PCYT1B: variants seen among roughly 807,000 people sequenced by gnomAD.
PCYT1B encodes choline-phosphate cytidylyltransferase B.
In PCYT1B, 10 loss-of-function variants were observed where a neutral mutation model predicts 26.4. That is an observed-to-expected ratio of 0.38 (90% CI 0.23 to 0.64). The LOEUF (loss-of-function observed/expected upper bound fraction) is 0.64, where lower values mean the gene tolerates loss of function less well. PCYT1B is among the 30% of genes least tolerant of loss of function. The probability of loss-of-function intolerance (pLI) is 0.56; values close to 1 mark genes in which losing one functional copy is unlikely to be tolerated. For synonymous variants in PCYT1B, 131 were observed against 108.4 expected, an observed-to-expected ratio of 1.21 and a Z score of -1.29; for missense variants, 161 against 292.7, an observed-to-expected ratio of 0.55 and a Z score of 3.28.
chrX:24,658,695 T>A (rs746352086), intron 1 of PCYT1B, among the ~76,000 whole-genome samples: 1 of 111,320 alleles, frequency 9.0e-6, no homozygotes, highest in Non-Finnish European at 1.9e-5. Flanking sequence ...TTGAGTTCCT[T>A]TGGATAATCC....
At position 24,575,117 on chromosome X, in the gene PCYT1B, A is replaced by G; in HGVS notation, c.897+13T>C. The G allele has an allele frequency of 8.7e-7, 1 of 1,153,144 alleles. No individual in the cohort carries two copies. Among genetic ancestry groups the G allele is most frequent in the African/African-American group, 1.8e-5 (1 of 55,561 alleles). On this transcript the variant is annotated intron_variant, in intron 7 of 7. Coordinates refer to ENST00000379144, the MANE Select transcript of PCYT1B (RefSeq NM_004845.5). ...CACTCATCATTGTGGGGTAAAGTGA[A>G]ATCATTACATACCCATGCTCCATCA... is the stretch of plus-strand genomic sequence containing the variant.
chrX:24,639,808 C>A (rs1238310142), intron 1 of PCYT1B, among the ~76,000 whole-genome samples: 1 of 110,759 alleles, frequency 9.0e-6, no homozygotes, highest in Non-Finnish European at 1.9e-5. Flanking sequence ...GTCTTTTTTT[C>A]TCCCTGAAGC....
intron 6 of PCYT1B, among the ~76,000 whole-genome samples, chrX:24,578,414 C>T (rs958442015): frequency 1.8e-5 from 2 of 111,301 alleles, no homozygotes; most frequent in African/African-American, 6.5e-5. Flanking sequence ...GTGCAGCAAA[C>T]CACCATGGCA....
At position 24,590,003 on chromosome X, in the gene PCYT1B, T is replaced by C; in HGVS notation, c.486+20A>G. ...CTCCCTAATCTTGCTACTTAGAGAA[T>C]GTGGGAGAATGAGAAGTACCTTGTG... On this transcript the variant is annotated intron_variant, in intron 4 of 7. Transcript: ENST00000379144. 1 of 1,175,816 alleles carries C rather than the reference T, an allele frequency of 8.5e-7. No homozygotes were observed. Among genetic ancestry groups the C allele is most frequent in the Non-Finnish European group, 1.2e-6 (1 of 869,015 alleles).
Position 24,624,260 on chromosome X carries a change from C to T in PCYT1B, c.118-5176G>A, listed in dbSNP as rs144754866. 7.9e-3 allele frequency among the ~76,000 whole-genome samples: 887 copies of T among 111,849 alleles called. 3 individuals carry two copies. The highest frequency in any genetic ancestry group is 0.012 in the Admixed American group (131 of 10,536). On this transcript the variant is annotated intron_variant, in intron 1 of 7. Transcript: ENST00000379144. ...CTGGGATTACAGGCATGAGCCACCG[C>T]GCCCGGCCAAGCTAAGCTATTCTTA...
At chrX:24,576,528 C>T (rs913494881) in intron 6 of PCYT1B, among the ~76,000 whole-genome samples, 3 of 111,318 alleles carry the variant, frequency 2.7e-5, no homozygotes, top group Non-Finnish European at 3.8e-5. Context: ...TGGTCTTGAA[C>T]TCCTGACCTG....
chrX:24,597,575 A>T (rs1000532477), intron 3 of PCYT1B, among the ~76,000 whole-genome samples: 5 of 112,353 alleles, frequency 4.5e-5, no homozygotes, highest in African/African-American at 1.6e-4. Flanking sequence ...AAAGAAAGGC[A>T]CCACCCAAAC....
intron 1 of PCYT1B, among the ~76,000 whole-genome samples, chrX:24,664,939 C>T (rs187772188): frequency 9.0e-6 from 1 of 110,633 alleles, no homozygotes; most frequent in East Asian, 2.8e-4. Flanking sequence ...GCCTGGGTGA[C>T]AGAGCAAGAC....
intron 1 of PCYT1B, among the ~76,000 whole-genome samples, chrX:24,629,189 T>C (rs937074060): frequency 2.7e-5 from 3 of 112,279 alleles, no homozygotes; most frequent in African/African-American, 9.7e-5. Flanking sequence ...CCTATTTTTC[T>C]ATTGTTGAGA....
chrX:24,633,109 C>T (rs1161385538), intron 1 of PCYT1B, among the ~76,000 whole-genome samples: 3 of 102,972 alleles, frequency 2.9e-5, no homozygotes, highest in Non-Finnish European at 3.9e-5. Flanking sequence ...ACTCAGGAGG[C>T]TGAGGCAAGA....
At chrX:24,572,918 T>TTATATA (rs371692891) in intron 7 of PCYT1B, among the ~76,000 whole-genome samples, 1,517 of 96,212 alleles carry the variant, frequency 0.016, 23 homozygotes, top group South Asian at 0.044. Context: ...TTTCATCAAA[T>TTATATA]TATATATATA....
At chrX:24,624,146 T>G (rs1215224640) in intron 1 of PCYT1B, among the ~76,000 whole-genome samples, 1 of 109,660 alleles carries the variant, frequency 9.1e-6, no homozygotes, top group Non-Finnish European at 1.9e-5. Flanking sequence ...ATTTTTTGTA[T>G]TTTTAGTAGA....
intron 2 of PCYT1B, among the ~76,000 whole-genome samples, chrX:24,611,110 G>A (rs1279262052): frequency 9.0e-6 from 1 of 111,402 alleles, no homozygotes; most frequent in African/African-American, 3.3e-5. Context: ...CAGAATTCTA[G>A]GAAGTCTGGG....
intron 5 of PCYT1B, among the ~76,000 whole-genome samples, chrX:24,580,119 G>A (rs1455386305): frequency 1.8e-5 from 2 of 112,460 alleles, no homozygotes; most frequent in Non-Finnish European, 3.8e-5. Flanking sequence ...GCTGCTGTGA[G>A]CAGTGACTGC....
At chrX:24,619,766 C>T (rs1925641530) in intron 1 of PCYT1B, among the ~76,000 whole-genome samples, 1 of 111,907 alleles carries the variant, frequency 8.9e-6, no homozygotes, top group Non-Finnish European at 1.9e-5. Context: ...GTAGCTTCAA[C>T]AGCGACTAGC....
At chrX:24,654,749 C>T (rs866295886) in intron 1 of PCYT1B, among the ~76,000 whole-genome samples, 1 of 40,049 alleles carries the variant, frequency 2.5e-5, no homozygotes, top group Non-Finnish European at 4.0e-5. Flanking sequence ...GACCCTGTCT[C>T]AAAAAAAAAA....
chrX:24,619,568 G>A (rs1443906583), intron 1 of PCYT1B, among the ~76,000 whole-genome samples: 1 of 111,797 alleles, frequency 8.9e-6, no homozygotes, highest in African/African-American at 3.3e-5. Context: ...CCACACCCAG[G>A]AGACTTGGCT....
At chrX:24,653,526 G>C (rs1205491638) in intron 1 of PCYT1B, among the ~76,000 whole-genome samples, 1 of 111,705 alleles carries the variant, frequency 9.0e-6, no homozygotes, top group Non-Finnish European at 1.9e-5. Context: ...TGAACTGCAT[G>C]TTCTACCCTA....
At chrX:24,637,498 A>G (rs1475671781) in intron 1 of PCYT1B, among the ~76,000 whole-genome samples, 1 of 76,056 alleles carries the variant, frequency 1.3e-5, no homozygotes, top group African/African-American at 7.1e-5. Flanking sequence ...AAAAATATAT[A>G]TATATATATA....
Sources: allele counts gnomAD v4.1 joint callset (sites outside exome capture counted in the v4.1 genomes callset), GRCh38; gene constraint gnomAD v4.1.1; transcripts MANE v1.5; gene names NCBI Gene and HGNC (gene_info 2026-07-23, HGNC 2026-07-21).